Variants in CCDC192 observed in about 807,000 individuals in gnomAD.
CCDC192 encodes coiled-coil domain-containing protein 192.
At chr5:127,842,710 T>C (rs1750343455) in intron 5 of CCDC192, among the ~76,000 whole-genome samples, 1 of 152,230 alleles carries the variant, frequency 6.6e-6, no homozygotes, top group African/African-American at 2.4e-5. Flanking sequence ...ATCTGCAAGC[T>C]AACTGGTCTA....
chr5:127,877,254 T>G (rs942455807), intron 6 of CCDC192, among the ~76,000 whole-genome samples: 3 of 152,180 alleles, frequency 2.0e-5, no homozygotes, highest in African/African-American at 7.2e-5. Context: ...TAGGGCAAAA[T>G]TTAAATAATA....
At chr5:127,736,987 G>C in intron 2 of CCDC192, among the ~76,000 whole-genome samples, 2 of 150,572 alleles carry the variant, frequency 1.3e-5, no homozygotes, top group African/African-American at 4.9e-5. Context: ...GAATGTGTTT[G>C]CTCTTGCTTT....
chr5:127,704,838 AAAATAAATAAATAAAT>A (rs57523949), intron 1 of CCDC192, among the ~76,000 whole-genome samples: 34,239 of 144,378 alleles, frequency 0.24, 3,981 homozygotes, highest in Non-Finnish European at 0.26. Flanking sequence ...AACTCCATCT[AAAATAAATAAATAAAT>A]AAATAAATAA....
intron 2 of CCDC192, among the ~76,000 whole-genome samples, chr5:127,728,932 A>G (rs1243714404): frequency 1.3e-5 from 2 of 152,084 alleles, no homozygotes; most frequent in Admixed American, 1.3e-4. Context: ...CTGGAGACAG[A>G]GTCTGGCTCT....
chr5:127,795,752 T>A (rs1405561051), intron 3 of CCDC192, among the ~76,000 whole-genome samples: 1 of 152,090 alleles, frequency 6.6e-6, no homozygotes. Context: ...GGCTAATTTT[T>A]GTACAAAATT....
intron 5 of CCDC192, among the ~76,000 whole-genome samples, chr5:127,862,330 C>G (rs1008099499): frequency 6.6e-6 from 1 of 152,184 alleles, no homozygotes; most frequent in Non-Finnish European, 1.5e-5. Flanking sequence ...ACTGCCATCT[C>G]TACTTCCCCC....
chr5:127,904,543 C>T (rs1753145942), intron 6 of CCDC192, among the ~76,000 whole-genome samples: 1 of 145,622 alleles, frequency 6.9e-6, no homozygotes, highest in Admixed American at 7.0e-5. Flanking sequence ...CCCTCTGTTG[C>T]CCAGGCTGGA....
chr5:127,748,671 G>A (rs1753933597), intron 2 of CCDC192, among the ~76,000 whole-genome samples: 2 of 139,714 alleles, frequency 1.4e-5, no homozygotes, highest in South Asian at 4.6e-4. Flanking sequence ...TGATGGGGAT[G>A]GCATTGAATC....
At chr5:127,753,258 A>G (rs1561467552) in intron 2 of CCDC192, among the ~76,000 whole-genome samples, 1 of 152,180 alleles carries the variant, frequency 6.6e-6, no homozygotes, top group Non-Finnish European at 1.5e-5. Context: ...AGGTTTTCCA[A>G]CTTTTCATAT....
rs58917387 is a variant in CCDC192, at chr5:127,752,871, A to C, written c.115-1397A>C. Among the ~76,000 whole-genome samples, 756 of 152,070 alleles carry C rather than the reference A, an allele frequency of 5.0e-3. 3 individuals carry two copies. The highest frequency in any genetic ancestry group is 0.017 in the African/African-American group (708 of 41,490). On this transcript the variant is annotated intron_variant, in intron 2 of 6. Coordinates refer to ENST00000514853, the MANE Select transcript of CCDC192 (RefSeq NM_001317938.2). The stretch of plus-strand genomic sequence containing the variant: ...GCGGTATTCGGGTGGGAGTGACCCG[A>C]TTTTCCAGGTGCCGTTCGTCACCCC...
At chr5:127,905,008 A>ATG (rs1042177594) in intron 6 of CCDC192, among the ~76,000 whole-genome samples, 83 of 152,178 alleles carry the variant, frequency 5.5e-4, no homozygotes, top group African/African-American at 1.9e-3. Context: ...TGGAAGACTC[A>ATG]TGTTGAGGTA....
intron 5 of CCDC192, among the ~76,000 whole-genome samples, chr5:127,872,951 G>C (rs1272067156): frequency 1.3e-5 from 2 of 152,182 alleles, no homozygotes; most frequent in Non-Finnish European, 2.9e-5. Context: ...AGACAGCAAA[G>C]TGGTCTGGTA....
At chr5:127,891,999 A>C (rs1196124687) in intron 6 of CCDC192, among the ~76,000 whole-genome samples, 1 of 152,244 alleles carries the variant, frequency 6.6e-6, no homozygotes, top group Non-Finnish European at 1.5e-5. Flanking sequence ...GCTGCCTTGC[A>C]TAAAGACAGG....
At chr5:127,808,982 G>A (rs561199685) in intron 5 of CCDC192, among the ~76,000 whole-genome samples, 27 of 152,040 alleles carry the variant, frequency 1.8e-4, no homozygotes, top group Admixed American at 4.6e-4. Context: ...ATAGCAAATC[G>A]TCCAAAAAAG....
intron 6 of CCDC192, among the ~76,000 whole-genome samples, chr5:127,914,678 G>A (rs1753467585): frequency 6.6e-6 from 1 of 152,158 alleles, no homozygotes; most frequent in Non-Finnish European, 1.5e-5. Flanking sequence ...CAACGTGCTT[G>A]GAGATAGGGT....
At chr5:127,765,300 C>T (rs1488709847) in intron 3 of CCDC192, among the ~76,000 whole-genome samples, 6 of 152,048 alleles carry the variant, frequency 3.9e-5, no homozygotes, top group Non-Finnish European at 8.8e-5. Context: ...TTTATTAAAC[C>T]AGACATTAAG....
chr5:127,933,794 T>G (rs2126318980), intron 6 of CCDC192, among the ~76,000 whole-genome samples: 1 of 152,014 alleles, frequency 6.6e-6, no homozygotes, highest in Non-Finnish European at 1.5e-5. Context: ...TGAATGGGAG[T>G]AATGCTTTAT....
chr5:127,844,704 T>C (rs1452353440), intron 5 of CCDC192, among the ~76,000 whole-genome samples: 2 of 152,206 alleles, frequency 1.3e-5, no homozygotes, highest in African/African-American at 4.8e-5. Flanking sequence ...ATGGTGTGGC[T>C]GCTCTTTGTG....
At chr5:127,739,573 G>A (rs184634791) in intron 2 of CCDC192, 76 of 156,324 alleles carry the variant, frequency 4.9e-4, no homozygotes, top group East Asian at 7.6e-4. Context: ...TGTGCTAGCA[G>A]TCAGCGAGAC....
Sources: gnomAD v4.1 joint callset for allele counts (sites outside exome capture counted in the v4.1 genomes callset) on GRCh38, gnomAD v4.1.1 for gene constraint, MANE v1.5 for transcripts, NCBI Gene and HGNC (gene_info 2026-07-23, HGNC 2026-07-21) for gene names.